The following NR3C2 variants were observed in gnomAD, a reference collection of about 807,000 sequenced individuals.
The protein encoded by NR3C2 is mineralocorticoid receptor.
Under a neutral mutation model 86.4 loss-of-function variants are expected in NR3C2, and 15 were observed. The observed-to-expected ratio is 0.17, with a 90% CI of 0.12 to 0.27. The LOEUF (loss-of-function observed/expected upper bound fraction) is 0.27, where lower values mean the gene tolerates loss of function less well. Among genes scored for constraint, NR3C2 ranks in the 10% least tolerant of loss-of-function variants. The pLI is 1.00. For missense variants in NR3C2, 960 were observed against 1,195.6 expected (o/e 0.80, Z 2.91); for synonymous variants, 458 against 450.5 (o/e 1.02, Z -0.21).
chr4:148,080,692 T>C lies in NR3C2; in HGVS notation c.*652A>G. 2 of 270,552 alleles carry C rather than the reference T, an allele frequency of 7.4e-6. No homozygotes were observed. The highest frequency in any genetic ancestry group is 7.4e-5 in the South Asian group (2 of 27,178). 16.8% of individuals were successfully genotyped at this position (270,552 alleles called of 1,614,324 possible). A position where few individuals can be genotyped will look rare whatever the true frequency, so the allele number is the denominator to read the frequency against. On this transcript the variant is annotated 3_prime_UTR_variant, in exon 9 of 9. Transcript: ENST00000358102. ...TTTGTAAAGCCAACACAATAGATAC[T>C]AGAAATCAAACCAAGGCATTTAACA...
At chr4:148,243,386 C>A (rs1739159036) in intron 3 of NR3C2, among the ~76,000 whole-genome samples, 2 of 152,240 alleles carry the variant, frequency 1.3e-5, no homozygotes, top group South Asian at 4.1e-4. Context: ...AGGATCTCCA[C>A]AAAGACCACT....
At chr4:148,406,192 G>C (rs1246976495) in intron 2 of NR3C2, among the ~76,000 whole-genome samples, 1 of 151,998 alleles carries the variant, frequency 6.6e-6, no homozygotes, top group Non-Finnish European at 1.5e-5. Context: ...AACAAAAAAA[G>C]TGAACAAGAG....
At chr4:148,316,897 G>A (rs1743215438) in intron 2 of NR3C2, among the ~76,000 whole-genome samples, 1 of 152,058 alleles carries the variant, frequency 6.6e-6, no homozygotes, top group African/African-American at 2.4e-5. Context: ...GACCTCCTAG[G>A]CTCAACTGAT....
At chr4:148,324,216 C>A (rs898776284) in intron 2 of NR3C2, among the ~76,000 whole-genome samples, 5 of 152,130 alleles carry the variant, frequency 3.3e-5, no homozygotes, top group South Asian at 2.1e-4. Context: ...TAAGGTCGCA[C>A]GGTATTTGTC....
At chr4:148,275,950 T>C (rs1740940088) in intron 2 of NR3C2, among the ~76,000 whole-genome samples, 1 of 152,138 alleles carries the variant, frequency 6.6e-6, no homozygotes, top group Non-Finnish European at 1.5e-5. Flanking sequence ...ACATTATGTA[T>C]TAACATAAAA....
At chr4:148,404,122 GGA>G in intron 2 of NR3C2, among the ~76,000 whole-genome samples, 1 of 152,006 alleles carries the variant, frequency 6.6e-6, no homozygotes, top group East Asian at 1.9e-4. Context: ...CTTTTTATTT[GGA>G]ACTATTTTGT....
chr4:148,194,692 T>C (rs1736357120), intron 4 of NR3C2, 54 bp downstream of exon 4: 1 of 1,142,986 alleles, frequency 8.7e-7, no homozygotes, highest in Non-Finnish European at 1.3e-6. Flanking sequence ...CAGATCTTAG[T>C]GCTGTTGCAT....
intron 6 of NR3C2, among the ~76,000 whole-genome samples, chr4:148,146,177 T>C (rs1239229621): frequency 6.6e-6 from 1 of 152,070 alleles, no homozygotes; most frequent in Non-Finnish European, 1.5e-5. Context: ...ACTCCTCTCA[T>C]CAGAATTCCT....
intron 8 of NR3C2, among the ~76,000 whole-genome samples, chr4:148,105,588 A>G (rs1731758521): frequency 2.0e-5 from 3 of 152,242 alleles, no homozygotes; most frequent in East Asian, 3.8e-4. Context: ...AGAAAACTTC[A>G]GGCAAATATC....
At chr4:148,129,156 T>C (rs1732889553) in intron 6 of NR3C2, among the ~76,000 whole-genome samples, 1 of 152,184 alleles carries the variant, frequency 6.6e-6, no homozygotes, top group Admixed American at 6.5e-5. Flanking sequence ...TGGATAAACA[T>C]GTGGTATATG....
chr4:148,141,408 T>A (rs1004661759), intron 6 of NR3C2, among the ~76,000 whole-genome samples: 3 of 149,644 alleles, frequency 2.0e-5, no homozygotes, highest in Non-Finnish European at 4.4e-5. Flanking sequence ...GGCAACAGAG[T>A]GAGACTCCAT....
intron 2 of NR3C2, among the ~76,000 whole-genome samples, chr4:148,382,034 G>T (rs2126449187): frequency 6.6e-6 from 1 of 152,236 alleles, no homozygotes; most frequent in Non-Finnish European, 1.5e-5. Flanking sequence ...ACACAGCATA[G>T]ATCAGTGTAG....
intron 1 of NR3C2, among the ~76,000 whole-genome samples, chr4:148,437,477 AT>A (rs1399203331): frequency 3.3e-5 from 5 of 152,214 alleles, no homozygotes; most frequent in Admixed American, 3.3e-4. Flanking sequence ...CTCTCTTTAG[AT>A]TAGTGATGAA....
intron 2 of NR3C2, among the ~76,000 whole-genome samples, chr4:148,403,879 TAGG>T (rs1275361612): frequency 6.6e-6 from 1 of 152,100 alleles, no homozygotes; most frequent in African/African-American, 2.4e-5. Flanking sequence ...TTAAACATAC[TAGG>T]AGAACTTGGA....
intron 2 of NR3C2, among the ~76,000 whole-genome samples, chr4:148,314,587 T>C (rs1414691103): frequency 1.3e-5 from 2 of 152,160 alleles, no homozygotes; most frequent in Non-Finnish European, 2.9e-5. Context: ...GTGTCCATAT[T>C]TTAAATATGA....
At chr4:148,230,636 G>A (rs982317920) in intron 3 of NR3C2, among the ~76,000 whole-genome samples, 2 of 152,094 alleles carry the variant, frequency 1.3e-5, no homozygotes, top group African/African-American at 2.4e-5. Flanking sequence ...AAAAATTATA[G>A]GCAAAGCACC....
chr4:148,405,447 C>G (rs1486553019), intron 2 of NR3C2, among the ~76,000 whole-genome samples: 4 of 152,162 alleles, frequency 2.6e-5, no homozygotes, highest in South Asian at 2.1e-4. Context: ...ATCCACACTA[C>G]ACTTGTAGGG....
At chr4:148,112,937 T>G (rs1480493773) in intron 8 of NR3C2, among the ~76,000 whole-genome samples, 1 of 152,166 alleles carries the variant, frequency 6.6e-6, no homozygotes, top group African/African-American at 2.4e-5. Flanking sequence ...TACTCAGATC[T>G]TACAGGATGA....
rs140002084 is a variant in NR3C2, at chr4:148,190,388, C to T, written c.2014+4358G>A. ...ACGTCCAATTTTATTCCACTGTGGT[C>T]TGAGAGAGTGCTTGATATAATTTCA... On this transcript the variant is annotated intron_variant, in intron 4 of 8. Transcript: ENST00000358102. Among the ~76,000 whole-genome samples the T allele has an allele frequency of 7.2e-3, 1,102 of 152,204 alleles. 10 individuals carry two copies. Among genetic ancestry groups the T allele is most frequent in the African/African-American group, 0.025 (1,055 of 41,512 alleles).
Sources: gnomAD v4.1 joint callset for allele counts (sites outside exome capture counted in the v4.1 genomes callset) on GRCh38, gnomAD v4.1.1 for gene constraint, MANE v1.5 for transcripts, NCBI Gene and HGNC (gene_info 2026-07-23, HGNC 2026-07-21) for gene names.